Variants in OR51B5 observed in about 807,000 individuals in gnomAD.
The protein encoded by OR51B5 is olfactory receptor 51B5.
For synonymous variants in OR51B5, 186 were observed against 144.8 expected (o/e 1.28, Z -2.04); for missense variants, 456 against 374.6 (o/e 1.22, Z -1.79).
chr11:5,368,192 G>T (rs1259619274), intron 1 of OR51B5, among the ~76,000 whole-genome samples: 1 of 152,128 alleles, frequency 6.6e-6, no homozygotes, highest in Non-Finnish European at 1.5e-5. Flanking sequence ...TGTTCTGTAG[G>T]CTTCTTGAAA....
At chr11:5,419,174 G>A (rs564438204) in intron 1 of OR51B5, among the ~76,000 whole-genome samples, 1 of 152,216 alleles carries the variant, frequency 6.6e-6, no homozygotes, top group East Asian at 1.9e-4. Context: ...ACTTTTGGGG[G>A]CACACTTGTG....
intron 1 of OR51B5, among the ~76,000 whole-genome samples, chr11:5,450,781 C>A (rs777496001): frequency 6.6e-6 from 1 of 152,194 alleles, no homozygotes; most frequent in Non-Finnish European, 1.5e-5. Flanking sequence ...AGAAGAGAGT[C>A]ACTGTTCAAC....
At chr11:5,437,456 A>C (rs1027019376) in intron 1 of OR51B5, among the ~76,000 whole-genome samples, 5 of 152,156 alleles carry the variant, frequency 3.3e-5, no homozygotes, top group African/African-American at 4.8e-5. Context: ...TTCCCTCCTG[A>C]ACTCCCACTC....
intron 1 of OR51B5, among the ~76,000 whole-genome samples, chr11:5,393,742 G>C (rs144994917): frequency 3.0e-4 from 45 of 152,108 alleles, no homozygotes; most frequent in African/African-American, 1.1e-3. Context: ...TGTGAAGTAG[G>C]GAGGTATTAT....
At chr11:5,409,058 TA>T (rs753038485) in intron 1 of OR51B5, among the ~76,000 whole-genome samples, 8 of 152,174 alleles carry the variant, frequency 5.3e-5, no homozygotes, top group Non-Finnish European at 1.2e-4. Flanking sequence ...CCCTGACTTC[TA>T]AGCAGGATGT....
intron 1 of OR51B5, among the ~76,000 whole-genome samples, chr11:5,414,068 A>C (rs7396978): frequency 1.3e-5 from 2 of 150,800 alleles, no homozygotes; most frequent in African/African-American, 4.9e-5. Flanking sequence ...AAGCCCATCA[A>C]ACTAACAGCA....
chr11:5,364,095 T>A (rs1233145635), intron 1 of OR51B5, among the ~76,000 whole-genome samples: 1 of 152,146 alleles, frequency 6.6e-6, no homozygotes, highest in African/African-American at 2.4e-5. Flanking sequence ...ATAAGGTCGA[T>A]TATAGATTCA....
chr11:5,398,591 G>C (rs1013527432), intron 1 of OR51B5, among the ~76,000 whole-genome samples: 1 of 152,166 alleles, frequency 6.6e-6, no homozygotes, highest in African/African-American at 2.4e-5. Flanking sequence ...TTGGCTCTGT[G>C]TCTCCACCCA....
intron 1 of OR51B5, among the ~76,000 whole-genome samples, chr11:5,463,679 T>C (rs775952437): frequency 2.6e-5 from 4 of 152,230 alleles, no homozygotes; most frequent in Non-Finnish European, 5.9e-5. Flanking sequence ...CATTCATTTA[T>C]TTTGTTCACA....
At chr11:5,427,696 A>G (rs192477258) in intron 1 of OR51B5, among the ~76,000 whole-genome samples, 1 of 152,320 alleles carries the variant, frequency 6.6e-6, no homozygotes, top group Non-Finnish European at 1.5e-5. Flanking sequence ...CCAGCATAGA[A>G]AATACTGAAG....
chr11:5,453,962 T>G, intron 1 of OR51B5: 1 of 1,613,644 alleles, frequency 6.2e-7, no homozygotes, highest in Non-Finnish European at 8.5e-7. Flanking sequence ...CCCTTTTCCC[T>G]CTTCCCTTTC....
chr11:5,382,742 C>G (rs1849628551), intron 1 of OR51B5, among the ~76,000 whole-genome samples: 1 of 152,132 alleles, frequency 6.6e-6, no homozygotes, highest in Non-Finnish European at 1.5e-5. Flanking sequence ...GTCCTATCAC[C>G]CTGACTCTCC....
chr11:5,359,678 A>G (rs889258587), intron 1 of OR51B5, among the ~76,000 whole-genome samples: 8 of 150,328 alleles, frequency 5.3e-5, no homozygotes, highest in Non-Finnish European at 1.5e-5. Flanking sequence ...AAGAGCCCAC[A>G]TTGACATGCC....
upstream of OR51B5, among the ~76,000 whole-genome samples, chr11:5,347,919 CA>C (rs1849017827): frequency 6.6e-6 from 1 of 151,792 alleles, no homozygotes; most frequent in African/African-American, 2.4e-5. Context: ...AGATGATGCC[CA>C]AATCTTTCAT....
intron 1 of OR51B5, among the ~76,000 whole-genome samples, chr11:5,412,303 G>A (rs1326885456): frequency 6.6e-6 from 1 of 152,172 alleles, no homozygotes; most frequent in African/African-American, 2.4e-5. Context: ...GCATCGAACC[G>A]GGAGGAGCCA....
intron 1 of OR51B5, chr11:5,441,403 T>C (rs1262028960): frequency 6.2e-7 from 1 of 1,613,856 alleles, no homozygotes; most frequent in Non-Finnish European, 8.5e-7. Context: ...ATGGAGATCA[T>C]GTAGAGGATG....
intron 1 of OR51B5, among the ~76,000 whole-genome samples, chr11:5,462,735 G>A (rs1019029176): frequency 3.3e-5 from 5 of 152,162 alleles, no homozygotes. Flanking sequence ...TTTGGACTCA[G>A]GACCCTCTGT....
chr11:5,390,164 C>CAT (rs769772193), intron 1 of OR51B5: 2 of 1,613,882 alleles, frequency 1.2e-6, no homozygotes, highest in East Asian at 4.5e-5. Context: ...ATGCACCGCT[C>CAT]CTCTCTGTGC....
intron 1 of OR51B5, chr11:5,390,152 A>T: frequency 6.2e-7 from 1 of 1,613,870 alleles, no homozygotes; most frequent in South Asian, 1.1e-5. Context: ...TGCCTTTCAG[A>T]CATGCACCGC....
Sources: allele counts gnomAD v4.1 joint callset (sites outside exome capture counted in the v4.1 genomes callset), GRCh38; gene constraint gnomAD v4.1.1; transcripts MANE v1.5; gene names NCBI Gene and HGNC (gene_info 2026-07-23, HGNC 2026-07-21).